COL21A1: variants seen among roughly 807,000 people sequenced by gnomAD.
COL21A1 encodes the protein collagen type XXI alpha 1 chain.
In COL21A1, 149 loss-of-function variants were observed where a neutral mutation model predicts 137.9. The ratio of observed to expected loss-of-function variants is 1.08; its 90% CI spans 0.95 to 1.24. The LOEUF is 1.24. Ranked by LOEUF, COL21A1 falls within the 50% of genes most tolerant of loss-of-function variation. The probability of loss-of-function intolerance (pLI) is 0.00; values close to 1 mark genes in which losing one functional copy is unlikely to be tolerated. For missense variants in COL21A1, 1,167 were observed against 1,158.4 expected (o/e 1.01, Z -0.11); for synonymous variants, 456 against 391.5 (o/e 1.16, Z -1.95).
At chr6:56,349,726 T>C (rs989723171) in intron 1 of COL21A1, among the ~76,000 whole-genome samples, 6 of 152,258 alleles carry the variant, frequency 3.9e-5, no homozygotes, top group Admixed American at 1.3e-4. Flanking sequence ...TTTTACATTA[T>C]TGCTTATACT....
At chr6:56,159,967 A>G (rs574919489) in intron 9 of COL21A1, among the ~76,000 whole-genome samples, 3 of 152,140 alleles carry the variant, frequency 2.0e-5, no homozygotes, top group African/African-American at 4.8e-5. Context: ...ATGTGACTTC[A>G]TAAAGACTGG....
At chr6:56,331,811 G>GCAT (rs1765232507) in intron 1 of COL21A1, 1 of 120,318 alleles carries the variant, frequency 8.3e-6, no homozygotes, top group Non-Finnish European at 1.7e-5. Flanking sequence ...CTATCTGTAC[G>GCAT]CATCTGCAGG....
chr6:56,106,433 A>G (rs1252372721), intron 16 of COL21A1, among the ~76,000 whole-genome samples: 4 of 152,156 alleles, frequency 2.6e-5, no homozygotes, highest in Non-Finnish European at 5.9e-5. Flanking sequence ...AATGTGCCAC[A>G]AGAATCTAAA....
intron 17 of COL21A1, among the ~76,000 whole-genome samples, chr6:56,100,524 T>C (rs2152164792): frequency 6.6e-6 from 1 of 152,290 alleles, no homozygotes; most frequent in African/African-American, 2.4e-5. Context: ...AATGTAGCAG[T>C]AGTCATCTCC....
At chr6:56,283,990 C>A (rs115584344) in intron 1 of COL21A1, among the ~76,000 whole-genome samples, 50 of 152,052 alleles carry the variant, frequency 3.3e-4, no homozygotes, top group Middle Eastern at 6.8e-3. Context: ...GAGGTGATTT[C>A]CTCAATTAAT....
At chr6:56,335,611 C>T (rs777848750) in intron 1 of COL21A1, among the ~76,000 whole-genome samples, 46 of 152,322 alleles carry the variant, frequency 3.0e-4, no homozygotes, top group Admixed American at 1.2e-3. Flanking sequence ...CAGTCTCTAA[C>T]TGGGGCATAC....
chr6:56,136,727 T>C (rs1415552511), intron 12 of COL21A1, among the ~76,000 whole-genome samples: 2 of 152,202 alleles, frequency 1.3e-5, no homozygotes, highest in Non-Finnish European at 2.9e-5. Context: ...AATACTTTGC[T>C]CAGTAGCACA....
At chr6:56,060,454 G>C in intron 27 of COL21A1, 1 of 506,150 alleles carries the variant, frequency 2.0e-6, no homozygotes, top group East Asian at 3.5e-5. Flanking sequence ...GCCCCCAAAA[G>C]AAATTGGTGG....
intron 1 of COL21A1, among the ~76,000 whole-genome samples, chr6:56,191,808 C>T (rs1307024185): frequency 1.3e-5 from 2 of 151,386 alleles, no homozygotes; most frequent in African/African-American, 2.4e-5. Context: ...TGAAAATGGC[C>T]ACACTGCCCA....
At chr6:56,255,932 CTAGGAGGTCTGCTTGGCT>C (rs1271038658) in intron 1 of COL21A1, among the ~76,000 whole-genome samples, 1 of 152,110 alleles carries the variant, frequency 6.6e-6, no homozygotes, top group Non-Finnish European at 1.5e-5. Context: ...CACAACAATT[CTAGGAGGTCTGCTTGGCT>C]TAGCTGGAAG....
chr6:56,129,252 G>T (rs1773297590), intron 12 of COL21A1, among the ~76,000 whole-genome samples: 1 of 152,148 alleles, frequency 6.6e-6, no homozygotes, highest in Non-Finnish European at 1.5e-5. Flanking sequence ...ATAAGTGTGT[G>T]TGTGTACTGG....
rs938354004 is a variant in COL21A1, at chr6:56,377,183, G to T, written c.-39+16788C>A. 5.9e-5 allele frequency among the ~76,000 whole-genome samples: 9 copies of T among 152,096 alleles called. No individual in the cohort carries two copies. The East Asian group carries it at 1.7e-3, about 30-fold the overall frequency. ...TTTTTGTATTTTTAGTAGAGACGGGGTTTCACCATGCTGGCCAGGCTGGTC... is the reference window on the plus strand; with the variant it reads ...TTTTTGTATTTTTAGTAGAGACGGGTTTTCACCATGCTGGCCAGGCTGGTC... On this transcript the variant is annotated intron_variant, in intron 1 of 28. Transcript: ENST00000370819.
At chr6:56,336,179 C>T (rs1379640054) in intron 1 of COL21A1, among the ~76,000 whole-genome samples, 2 of 152,206 alleles carry the variant, frequency 1.3e-5, no homozygotes, top group Non-Finnish European at 2.9e-5. Context: ...TCTCTGACCA[C>T]TTCCCCACTG....
chr6:56,288,440 TGTACAA>T (rs150926762), intron 1 of COL21A1, among the ~76,000 whole-genome samples: 4,160 of 152,254 alleles, frequency 0.027, 176 homozygotes, highest in African/African-American at 0.094. Context: ...GTACTTTTAC[TGTACAA>T]GTACAAGTAA....
chr6:56,105,397 G>T (rs1232616913), intron 16 of COL21A1, among the ~76,000 whole-genome samples: 1 of 152,076 alleles, frequency 6.6e-6, no homozygotes, highest in African/African-American at 2.4e-5. Context: ...TATTCACGAT[G>T]TATTTTTGGC....
intron 5 of COL21A1, 114 bp from the exon 6 acceptor site, chr6:56,168,411 C>A: frequency 2.5e-6 from 2 of 802,702 alleles, no homozygotes; most frequent in South Asian, 6.3e-5. Context: ...CCCACACAGA[C>A]TGACTGTATT....
intron 1 of COL21A1, among the ~76,000 whole-genome samples, chr6:56,272,274 TAGG>T (rs1378278173): frequency 1.3e-5 from 2 of 152,202 alleles, no homozygotes; most frequent in African/African-American, 4.8e-5. Flanking sequence ...CCTGGAGTCA[TAGG>T]AGATTATTTT....
chr6:56,337,487 T>A (rs2152344556), intron 1 of COL21A1, among the ~76,000 whole-genome samples: 1 of 152,380 alleles, frequency 6.6e-6, no homozygotes, highest in East Asian at 1.9e-4. Flanking sequence ...CCTTTGCGGT[T>A]CTTAATTCTT....
chr6:56,183,583 A>G (rs1778058255), intron 1 of COL21A1, among the ~76,000 whole-genome samples: 1 of 152,178 alleles, frequency 6.6e-6, no homozygotes. Flanking sequence ...TGGCAACAGT[A>G]TAGAACAGCC....
Sources: allele counts gnomAD v4.1 joint callset (sites outside exome capture counted in the v4.1 genomes callset), GRCh38; gene constraint gnomAD v4.1.1; transcripts MANE v1.5; gene names NCBI Gene and HGNC (gene_info 2026-07-23, HGNC 2026-07-21).